The following RFLNA variants were observed in gnomAD, a reference collection of about 807,000 sequenced individuals.
RFLNA encodes the protein refilin-A.
In RFLNA, 5 loss-of-function variants were observed where a neutral mutation model predicts 7.8. The observed-to-expected ratio is 0.64, with a 90% confidence interval of 0.34 to 1.35. The LOEUF is 1.35. Among genes scored for constraint, RFLNA ranks in the 40% most tolerant of loss-of-function variants. RFLNA has a pLI of 0.04. For missense variants in RFLNA, 278 were observed against 305.5 expected (o/e 0.91, Z 0.67); for synonymous variants, 141 against 131.3 (o/e 1.07, Z -0.50).
chr12:124,315,721 G>A lies in RFLNA; in HGVS notation c.*1196G>A, dbSNP rs2034339090. ...CCAGAAGCCAGCACTGTGGCAGGGTGCTGGGGAGATGCCCCTCTGAGCCTT... is the reference window on the plus strand; with the variant it reads ...CCAGAAGCCAGCACTGTGGCAGGGTACTGGGGAGATGCCCCTCTGAGCCTT... On this transcript the variant is annotated 3_prime_UTR_variant, in exon 3 of 3. Transcript: ENST00000546355. 1 of 152,264 alleles carries A rather than the reference G, an allele frequency of 6.6e-6. No individual in the cohort carries two copies. Among genetic ancestry groups the A allele is most frequent in the East Asian group, 1.9e-4 (1 of 5,162 alleles). 9.4% of individuals were successfully genotyped at this position (152,264 alleles called of 1,614,324 possible). A position where few individuals can be genotyped will look rare whatever the true frequency, so the allele number is the denominator to read the frequency against.
intron 1 of RFLNA, among the ~76,000 whole-genome samples, chr12:124,300,206 A>T (rs2034001555): frequency 6.6e-6 from 1 of 152,230 alleles, no homozygotes; most frequent in South Asian, 2.1e-4. Flanking sequence ...CTGGCCCTGG[A>T]CTGCACCCAC....
At chr12:124,305,268 C>T (rs80311520) in intron 1 of RFLNA, among the ~76,000 whole-genome samples, 4,057 of 152,304 alleles carry the variant, frequency 0.027, 185 homozygotes, top group African/African-American at 0.092. Flanking sequence ...GCACCCAGTG[C>T]CACCCCTGGG....
intron 1 of RFLNA, among the ~76,000 whole-genome samples, chr12:124,310,194 A>AAAAAAAAAAAAAAAAAAAAAAAC (rs2034216145): frequency 6.8e-6 from 1 of 146,900 alleles, no homozygotes; most frequent in Non-Finnish European, 1.5e-5. Flanking sequence ...AAAAAAAAAA[A>AAAAAAAAAAAAAAAAAAAAAAAC]AAGCCTTTAG....
chr12:124,292,448 G>A (rs149446597), upstream of RFLNA, among the ~76,000 whole-genome samples: 4 of 152,266 alleles, frequency 2.6e-5, no homozygotes, highest in Admixed American at 6.5e-5. Flanking sequence ...TGGAAATTTC[G>A]TCTTTTCCTC....
chr12:124,304,930 A>G (rs2034112264), intron 1 of RFLNA, among the ~76,000 whole-genome samples: 1 of 152,222 alleles, frequency 6.6e-6, no homozygotes, highest in Non-Finnish European at 1.5e-5. Context: ...GTGCTCAGCA[A>G]ACAAACACCT....
chr12:124,298,540 T>C (rs2033971504), intron 1 of RFLNA, among the ~76,000 whole-genome samples: 2 of 152,214 alleles, frequency 1.3e-5, no homozygotes, highest in Non-Finnish European at 2.9e-5. Context: ...GAATCAGGCA[T>C]TGGTCCCCCC....
upstream of RFLNA, among the ~76,000 whole-genome samples, chr12:124,290,321 T>C (rs1423979193): frequency 1.3e-5 from 2 of 152,200 alleles, no homozygotes; most frequent in Non-Finnish European, 2.9e-5. This position sits in a 1 kb window ranked among gnomAD's most constrained non-coding sequence, Gnocchi z 4.0. Context: ...TGTGTGTCCA[T>C]GTATGTGCAT....
At position 124,306,390 on chromosome 12, in the gene RFLNA, G is replaced by A. The variant is rs2034137823; in HGVS notation, c.208-5428G>A. ...TGCAGCAGGGAACAGCGGGAACACC[G>A]AGGCAGCCTCGGGTCACAGACAAGG... On this transcript the variant is annotated intron_variant, in intron 1 of 2. Transcript: ENST00000546355. This position sits in a 1 kb window ranked among gnomAD's most constrained non-coding sequence, Gnocchi z 5.2. Among the ~76,000 whole-genome samples the A allele has an allele frequency of 6.6e-6, 1 of 152,160 alleles. No individual in the cohort carries two copies. Among genetic ancestry groups the A allele is most frequent in the Non-Finnish European group, 1.5e-5 (1 of 68,026 alleles).
At chr12:124,296,785 C>T (rs1245133139) in intron 1 of RFLNA, among the ~76,000 whole-genome samples, 3 of 152,190 alleles carry the variant, frequency 2.0e-5, no homozygotes, top group Admixed American at 6.5e-5. Flanking sequence ...CCACACTCAC[C>T]GCCCAGATAG....
intron 1 of RFLNA, among the ~76,000 whole-genome samples, chr12:124,300,506 C>A (rs925585831): frequency 6.6e-6 from 1 of 152,082 alleles, no homozygotes; most frequent in Non-Finnish European, 1.5e-5. Context: ...GATGGTGAAA[C>A]TGAGTATGAG....
At chr12:124,296,110 TTC>T (rs1417095142) in intron 1 of RFLNA, among the ~76,000 whole-genome samples, 2 of 3,718 alleles carry the variant, frequency 5.4e-4, no homozygotes, top group Non-Finnish European at 0.038. Flanking sequence ...CTTTCTTTCT[TTC>T]TTTCTTTCTT....
intron 1 of RFLNA, among the ~76,000 whole-genome samples, chr12:124,302,937 T>A (rs964279210): frequency 6.6e-6 from 1 of 151,758 alleles, no homozygotes; most frequent in African/African-American, 2.4e-5. Flanking sequence ...CCGCGGCCCG[T>A]GTGGGGCTCC....
chr12:124,312,927 C>T (rs113105857), intron 2 of RFLNA, among the ~76,000 whole-genome samples: 231 of 152,244 alleles, frequency 1.5e-3, no homozygotes, highest in Non-Finnish European at 2.6e-3. Flanking sequence ...GTGTGGGATC[C>T]GTGAGTCTTA....
intron 1 of RFLNA, among the ~76,000 whole-genome samples, chr12:124,308,949 G>A (rs1043322691): frequency 6.6e-6 from 1 of 152,254 alleles, no homozygotes; most frequent in African/African-American, 2.4e-5. Context: ...CTGCCAGCGC[G>A]TGGCGGGTGC....
At chr12:124,290,667 T>C (rs913749336), upstream of RFLNA, among the ~76,000 whole-genome samples, 1 of 152,202 alleles carries the variant, frequency 6.6e-6, no homozygotes, top group Non-Finnish European at 1.5e-5. This position sits in a 1 kb window ranked among gnomAD's most constrained non-coding sequence, Gnocchi z 4.0. Context: ...CTTGGTGATT[T>C]CACACAGAGA....
intron 1 of RFLNA, among the ~76,000 whole-genome samples, chr12:124,305,202 G>C (rs1201368372): frequency 6.6e-6 from 1 of 152,202 alleles, no homozygotes; most frequent in Non-Finnish European, 1.5e-5. Flanking sequence ...TGTCCAGGGA[G>C]GTACCTCCAC....
intron 1 of RFLNA, among the ~76,000 whole-genome samples, chr12:124,301,497 G>A (rs577542230): frequency 2.4e-4 from 37 of 152,266 alleles, no homozygotes; most frequent in African/African-American, 7.5e-4. Flanking sequence ...TCCAGTGCTC[G>A]GCCTCCCTGC....
At chr12:124,305,303 T>C (rs986974735) in intron 1 of RFLNA, among the ~76,000 whole-genome samples, 4 of 152,230 alleles carry the variant, frequency 2.6e-5, no homozygotes, top group Non-Finnish European at 5.9e-5. Flanking sequence ...ATGTGGCTGC[T>C]GGCTCTGACT....
chr12:124,308,363 C>T (rs2034174298), intron 1 of RFLNA, among the ~76,000 whole-genome samples: 1 of 152,202 alleles, frequency 6.6e-6, no homozygotes, highest in Non-Finnish European at 1.5e-5. Context: ...TCAGGAGCCT[C>T]AATTCCATCT....
Sources: gnomAD v4.1 joint callset for allele counts (sites outside exome capture counted in the v4.1 genomes callset) on GRCh38, gnomAD v4.1.1 for gene constraint, Gnocchi (gnomAD v3.1) non-coding constraint, MANE v1.5 for transcripts, NCBI Gene and HGNC (gene_info 2026-07-23, HGNC 2026-07-21) for gene names.